Variants in TUG1 observed in about 807,000 individuals in gnomAD.
TUG1 encodes the protein taurine up-regulated 1.
exon 1 of TUG1, chr22:30,970,128 G>A (rs1602527426): frequency 6.6e-6 from 1 of 152,196 alleles, no homozygotes; most frequent in African/African-American, 2.4e-5. Flanking sequence ...GATTGGAGTT[G>A]GGGATCCCCA....
chr22:30,975,369 T>C (rs1172091949), exon 3 of TUG1: 5 of 152,198 alleles, frequency 3.3e-5, no homozygotes, highest in African/African-American at 1.2e-4. Context: ...GGGACTTCCT[T>C]ACAACACCTT....
chr22:30,974,165 A>T (rs572925046), intron 2 of TUG1: 32 of 152,196 alleles, frequency 2.1e-4, no homozygotes, highest in African/African-American at 7.5e-4. Flanking sequence ...TGGTTTTTTT[A>T]AAGTCAGTAT....
At chr22:30,969,417 C>G (rs2041197076) in exon 1 of TUG1, 1 of 152,464 alleles carries the variant, frequency 6.6e-6, no homozygotes. Flanking sequence ...TGCGGTCGAT[C>G]GAGCGATCGG....
chr22:30,979,278 T>G (rs143627052), exon 3 of TUG1: 1 of 152,320 alleles, frequency 6.6e-6, no homozygotes, highest in African/African-American at 2.4e-5. Context: ...ATTCACAGCT[T>G]TCTTTGAACA....
exon 3 of TUG1, chr22:30,976,718 ACT>A (rs1285019524): frequency 6.6e-6 from 1 of 152,162 alleles, no homozygotes. Context: ...TCATGAGAAA[ACT>A]CATTCTTTAC....
At position 30,977,571 on chromosome 22, in the gene TUG1, TGAGTACCCA is replaced by T. The variant is rs546718294; in HGVS notation, c.*5102_*5110del. The stretch of plus-strand genomic sequence containing the variant: ...AGAATAAGCCCTATGGATTAACCCC[TGAGTACCCA>T]GAGTAAAAACTAATTTACAGAACTT... On this transcript the variant is annotated 3_prime_UTR_variant, in exon 3 of 3. Coordinates refer to ENST00000644773, the Ensembl canonical transcript of TUG1. 27 of 152,002 alleles carry T rather than the reference TGAGTACCCA, an allele frequency of 1.8e-4. No individual in the cohort carries two copies. The East Asian group carries it at 4.8e-3, about 27-fold the overall frequency. The allele number at this position is 152,002 out of a possible 1,614,324, so 9.4% of individuals were successfully genotyped here.
exon 2 of TUG1, chr22:30,973,406 T>C (rs1191213930): frequency 6.6e-6 from 1 of 152,182 alleles, no homozygotes; most frequent in Non-Finnish European, 1.5e-5. Context: ...AGAAAACATA[T>C]TCTGACCCAT....
intron 2 of TUG1, chr22:30,974,215 G>A (rs1456065279): frequency 6.6e-6 from 1 of 151,884 alleles, no homozygotes; most frequent in Non-Finnish European, 1.5e-5. Context: ...GAAAGCTTCT[G>A]TTACCTAGTA....
chr22:30,969,401 C>CG lies in TUG1; in HGVS notation c.48dup (p.Arg17AlafsTer180), dbSNP rs1228634823. On this transcript the variant is annotated frameshift_variant, in exon 1 of 3. Coordinates refer to ENST00000644773, the Ensembl canonical transcript of TUG1. LOFTEE classifies it high-confidence loss of function. ...TCCCGGGTCTGGTAGGGCGAAGGAA[C>CG]GGGCGTGCGGTCGATCGAGCGATCG... 1 of 152,464 alleles carries CG rather than the reference C, an allele frequency of 6.6e-6. No individual in the cohort carries two copies. Among genetic ancestry groups the CG allele is most frequent in the African/African-American group, 2.4e-5 (1 of 41,442 alleles). 9.4% of individuals were successfully genotyped at this position (152,464 alleles called of 1,614,324 possible). A position where few individuals can be genotyped will look rare whatever the true frequency, so the allele number is the denominator to read the frequency against.
exon 3 of TUG1, chr22:30,975,790 T>G (rs969315167): frequency 6.6e-6 from 1 of 152,108 alleles, no homozygotes; most frequent in African/African-American, 2.4e-5. Flanking sequence ...AGCAAGCGGG[T>G]TTTGAAGCTG....
At chr22:30,970,185 AT>A (rs1295859566) in exon 1 of TUG1, 1 of 152,022 alleles carries the variant, frequency 6.6e-6, no homozygotes, top group Non-Finnish European at 1.5e-5. Flanking sequence ...AATGATGGGA[AT>A]TTGTGGGAAT....
Position 30,974,633 on chromosome 22 carries a change from C to A in TUG1, c.*2695-537C>A, listed in dbSNP as rs569439088. 5 of 152,206 alleles carry A rather than the reference C, an allele frequency of 3.3e-5. No individual in the cohort carries two copies. In the East Asian group the frequency reaches 9.7e-4, roughly 29 times the overall value. The allele number at this position is 152,206 out of a possible 1,614,324, so 9.4% of individuals were successfully genotyped here. ...GAGAGTCTTGCATCTTGACCATTAC[C>A]TTTATTTTCTGTCAAGGGAATCCCT... On this transcript the variant is annotated intron_variant, in intron 2 of 2. Coordinates refer to ENST00000644773, the Ensembl canonical transcript of TUG1.
exon 1 of TUG1, chr22:30,970,607 G>C (rs550461894): frequency 1.3e-5 from 2 of 152,258 alleles, no homozygotes; most frequent in South Asian, 4.2e-4. Context: ...TTGTACTGGT[G>C]CCTGTACTTT....
exon 3 of TUG1, chr22:30,976,691 G>C (rs556158339): frequency 3.9e-5 from 6 of 152,316 alleles, no homozygotes; most frequent in African/African-American, 1.4e-4. Flanking sequence ...TGTTGAACAA[G>C]GAGACTTTGA....
exon 3 of TUG1, chr22:30,975,601 C>G (rs2041279568): frequency 6.6e-6 from 1 of 152,184 alleles, no homozygotes; most frequent in Non-Finnish European, 1.5e-5. Context: ...TCAAGTGAAC[C>G]TAGATTAACA....
At chr22:30,977,791 G>A (rs1259161433) in exon 3 of TUG1, 1 of 152,036 alleles carries the variant, frequency 6.6e-6, no homozygotes, top group Non-Finnish European at 1.5e-5. Context: ...AATACAACAA[G>A]GATTTTTAAT....
chr22:30,972,132 AAGG>A (rs1433258543), intron 1 of TUG1: 6 of 152,216 alleles, frequency 3.9e-5, no homozygotes, highest in Non-Finnish European at 5.9e-5. Context: ...ATTTATTAGG[AAGG>A]AGGAGTTTAG....
exon 3 of TUG1, chr22:30,978,283 A>T (rs549600022): frequency 6.6e-6 from 1 of 152,300 alleles, no homozygotes; most frequent in African/African-American, 2.4e-5. Flanking sequence ...ATTCCATTCA[A>T]ATGGATTACA....
At position 30,977,221 on chromosome 22, in the gene TUG1, A is replaced by G. The variant is rs536142051; in HGVS notation, c.*4746A>G. On this transcript the variant is annotated 3_prime_UTR_variant, in exon 3 of 3. Coordinates refer to ENST00000644773, the Ensembl canonical transcript of TUG1. ...ATCTAGGAGTCTGTATACTGTCTCC[A>G]TGTCTCCATGCCTCAGATCTCATCT... The G allele has an allele frequency of 7.2e-4, 109 of 152,316 alleles. 1 individual carries two copies. Among genetic ancestry groups the G allele is most frequent in the African/African-American group, 2.6e-3 (107 of 41,576 alleles). 9.4% of individuals were successfully genotyped at this position (152,316 alleles called of 1,614,324 possible). A position where few individuals can be genotyped will look rare whatever the true frequency, so the allele number is the denominator to read the frequency against.
Sources: allele counts gnomAD v4.1 joint callset, GRCh38; gene constraint gnomAD v4.1.1; transcripts MANE v1.5; gene names NCBI Gene and HGNC (gene_info 2026-07-23, HGNC 2026-07-21).